Variants in WDFY3 observed in about 807,000 individuals in gnomAD.
WDFY3 encodes the protein WD repeat and FYVE domain-containing protein 3.
A neutral mutation model predicts 409.6 loss-of-function variants in WDFY3; 66 were observed. The ratio of observed to expected loss-of-function variants is 0.16; its 90% CI spans 0.13 to 0.20. WDFY3 has a LOEUF of 0.20. WDFY3 is among the 10% of genes least tolerant of loss of function. WDFY3 has a pLI of 1.00. For synonymous variants in WDFY3, 1,521 were observed against 1,537.1 expected (o/e 0.99, Z 0.25); for missense variants, 3,031 against 4,298.1 (o/e 0.71, Z 8.24).
intron 2 of WDFY3, among the ~76,000 whole-genome samples, chr4:84,900,585 G>T (rs1251411968): frequency 2.6e-5 from 4 of 152,142 alleles, no homozygotes; most frequent in Non-Finnish European, 5.9e-5. Context: ...AAATGAACCA[G>T]TCTCAAAAGA....
chr4:84,914,525 ATCCCTAAG>A, intron 2 of WDFY3, among the ~76,000 whole-genome samples: 1 of 152,226 alleles, frequency 6.6e-6, no homozygotes, highest in East Asian at 1.9e-4. Flanking sequence ...GGGCACTGGC[ATCCCTAAG>A]CCCTGAGTTG....
Position 84,755,358 on chromosome 4 carries a change from C to T in WDFY3, c.5467G>A (p.Ala1823Thr). 1 of 1,611,564 alleles carries T rather than the reference C, an allele frequency of 6.2e-7. No individual in the cohort carries two copies. Among genetic ancestry groups the T allele is most frequent in the Non-Finnish European group, 8.5e-7 (1 of 1,179,444 alleles). Residue 1823 changes from alanine to threonine, a missense_variant, in exon 34 of 68, where the codon GCC (alanine) becomes ACC (threonine). By Grantham distance (58) the Ala-to-Thr change is moderately conservative. This residue lies in a region of WDFY3 where 342 missense variants were observed against 463.7 expected (regional missense o/e 0.74). Coordinates refer to ENST00000295888, the MANE Select transcript of WDFY3 (RefSeq NM_014991.6). ...GAAGAGACCACAGTTCCGCTGGAGG[C>T]AGGAACTCCAAAGATGAATGTCCAA... ...SIWTFIFGVP[A>T]SSGTVVSSIH...
intron 56 of WDFY3, among the ~76,000 whole-genome samples, chr4:84,699,365 A>G (rs903113685): frequency 6.6e-6 from 1 of 152,160 alleles, no homozygotes; most frequent in Non-Finnish European, 1.5e-5. Context: ...TTGAGGTTCA[A>G]TCACATTGTA....
At chr4:84,735,550 C>T (rs1737301479) in intron 42 of WDFY3, among the ~76,000 whole-genome samples, 1 of 152,194 alleles carries the variant, frequency 6.6e-6, no homozygotes, top group South Asian at 2.1e-4. Context: ...CTGACTTTTC[C>T]CTATGTCCAA....
chr4:84,932,446 C>T (rs1770881819), intron 1 of WDFY3, 83 bp from the exon 2 acceptor site: 1 of 152,134 alleles, frequency 6.6e-6, no homozygotes, highest in Non-Finnish European at 1.5e-5. Context: ...ATTCTCTTTA[C>T]CTCCTTACTT....
intron 3 of WDFY3, among the ~76,000 whole-genome samples, chr4:84,870,065 T>C (rs1017716732): frequency 6.6e-6 from 1 of 152,218 alleles, no homozygotes; most frequent in Non-Finnish European, 1.5e-5. Context: ...TACCGCATTA[T>C]GTTATTATAA....
intron 27 of WDFY3, among the ~76,000 whole-genome samples, chr4:84,778,232 A>C (rs1476138625): frequency 6.6e-6 from 1 of 152,072 alleles, no homozygotes; most frequent in Non-Finnish European, 1.5e-5. Flanking sequence ...ACTATGTTTG[A>C]CTCATGTAAT....
chr4:84,802,329 G>A (rs1036710480), intron 16 of WDFY3, among the ~76,000 whole-genome samples: 5 of 148,496 alleles, frequency 3.4e-5, no homozygotes, highest in South Asian at 2.1e-4. Flanking sequence ...CTCGGCTCTC[G>A]GCTCACTGCA....
intron 15 of WDFY3, chr4:84,804,321 T>C (rs986638408): frequency 8.5e-5 from 13 of 152,212 alleles, no homozygotes; most frequent in African/African-American, 3.1e-4. Context: ...ATTTGCCTAA[T>C]GCTGAGCTCT....
intron 3 of WDFY3, among the ~76,000 whole-genome samples, chr4:84,882,854 C>G (rs879857080): frequency 3.9e-5 from 6 of 151,968 alleles, no homozygotes; most frequent in African/African-American, 1.5e-4. Context: ...GCTGGGACTA[C>G]AGGTATGCAC....
chr4:84,701,608 A>G (rs565183860), intron 56 of WDFY3, among the ~76,000 whole-genome samples: 4 of 152,348 alleles, frequency 2.6e-5, no homozygotes, highest in African/African-American at 7.2e-5. Context: ...ATATGCTTTA[A>G]AAGAAATACT....
chr4:84,802,381 C>T (rs1027940544), intron 16 of WDFY3, among the ~76,000 whole-genome samples: 4 of 151,732 alleles, frequency 2.6e-5, no homozygotes, highest in East Asian at 1.9e-4. Flanking sequence ...TGCCTCAGTC[C>T]GCCGAGTAGC....
chr4:84,691,607 G>A (rs1307895656), intron 60 of WDFY3, 24 bp downstream of exon 60: 3 of 1,610,242 alleles, frequency 1.9e-6, no homozygotes, highest in Non-Finnish European at 2.5e-6. Context: ...AATATTAAAT[G>A]AGTAGGCAGG....
rs1775751001 is a variant in WDFY3, at chr4:84,966,306, G to A, written c.-323C>T. 6.7e-6 allele frequency: 1 copy of A among 149,318 alleles called. No individual in the cohort carries two copies. The highest frequency in any genetic ancestry group is 2.1e-4 in the South Asian group (1 of 4,828). The allele number at this position is 149,318 out of a possible 1,614,324, so 9.2% of individuals were successfully genotyped here. A position where few individuals can be genotyped will look rare whatever the true frequency, so the allele number is the denominator to read the frequency against. ...GAGGGCGCACGGGCTACGGGGAAGGGGCGACCGGCGCGACGTCCGCGGCGG... is the reference window on the plus strand; with the variant it reads ...GAGGGCGCACGGGCTACGGGGAAGGAGCGACCGGCGCGACGTCCGCGGCGG... On this transcript the variant is annotated 5_prime_UTR_variant, in exon 1 of 68. Coordinates refer to ENST00000295888, the MANE Select transcript of WDFY3 (RefSeq NM_014991.6).
chr4:84,714,113 T>C (rs1251592831), intron 50 of WDFY3, among the ~76,000 whole-genome samples: 1 of 144,642 alleles, frequency 6.9e-6, no homozygotes, highest in African/African-American at 2.5e-5. Flanking sequence ...AGACTTTGTC[T>C]AAAAAAAAAA....
chr4:84,727,009 G>T (rs1735771647), intron 44 of WDFY3, 98 bp from the exon 45 acceptor site: 1 of 1,093,784 alleles, frequency 9.1e-7, no homozygotes, highest in Non-Finnish European at 1.3e-6. Flanking sequence ...AAATATGAAA[G>T]ATGTAGTTAC....
chr4:84,914,370 C>T (rs1044109322), intron 2 of WDFY3, among the ~76,000 whole-genome samples: 2 of 152,038 alleles, frequency 1.3e-5, no homozygotes, highest in Non-Finnish European at 1.5e-5. Flanking sequence ...TCCGAGATAG[C>T]GCCATTGCAC....
chr4:84,927,058 T>A (rs1770093295), intron 2 of WDFY3, among the ~76,000 whole-genome samples: 1 of 152,204 alleles, frequency 6.6e-6, no homozygotes, highest in South Asian at 2.1e-4. Flanking sequence ...CTAGTGAGAG[T>A]TAAAAATGTC....
At chr4:84,946,047 T>G (rs1772782434) in intron 1 of WDFY3, among the ~76,000 whole-genome samples, 1 of 152,158 alleles carries the variant, frequency 6.6e-6, no homozygotes, top group Admixed American at 6.5e-5. Flanking sequence ...GAATCTCATA[T>G]TCTCTGGCAG....
Sources: gnomAD v4.1 joint callset for allele counts (sites outside exome capture counted in the v4.1 genomes callset) on GRCh38, gnomAD v4.1.1 for gene constraint, gnomAD v4.1.1 regional missense constraint, MANE v1.5 for transcripts, NCBI Gene and HGNC (gene_info 2026-07-23, HGNC 2026-07-21) for gene names.